LRGUK: variants seen among roughly 807,000 people sequenced by gnomAD.
The protein encoded by LRGUK is leucine-rich repeat and guanylate kinase domain-containing protein.
A neutral mutation model predicts 76.0 loss-of-function variants in LRGUK; 65 were observed. The ratio of observed to expected loss-of-function variants is 0.85; its 90% CI spans 0.70 to 1.05. The LOEUF (loss-of-function observed/expected upper bound fraction) is 1.05. Among genes scored for constraint, LRGUK ranks in the 50% least tolerant of loss-of-function variants. LRGUK has a pLI of 0.00. For synonymous variants in LRGUK, 268 were observed against 265.6 expected, an observed-to-expected ratio of 1.01 and a Z score of -0.09; for missense variants, 758 against 732.8, an observed-to-expected ratio of 1.03 and a Z score of -0.40.
intron 3 of LRGUK, chr7:134,141,649 C>T (rs1300033109): frequency 6.6e-6 from 1 of 152,210 alleles, no homozygotes; most frequent in African/African-American, 2.4e-5. Flanking sequence ...CAAGAAGGAT[C>T]TCCATTTACC....
chr7:134,192,371 T>A (rs1160546362), intron 12 of LRGUK, among the ~76,000 whole-genome samples: 1 of 152,210 alleles, frequency 6.6e-6, no homozygotes, highest in East Asian at 1.9e-4. Flanking sequence ...GATCCCTAAC[T>A]TCTTTGAGGA....
At chr7:134,155,646 T>C (rs1447261728) in intron 5 of LRGUK, among the ~76,000 whole-genome samples, 2 of 152,236 alleles carry the variant, frequency 1.3e-5, no homozygotes, top group Non-Finnish European at 2.9e-5. Context: ...CTTGGCCTCA[T>C]GTAATATAAT....
chr7:134,174,574 A>G (rs1480558440), exon 8 of LRGUK: 13 of 1,606,504 alleles, frequency 8.1e-6, no homozygotes, highest in Non-Finnish European at 4.3e-6. Flanking sequence ...GCTGAGAGAA[A>G]TAGAATACAT....
chr7:134,156,724 T>C (rs1449853502), intron 5 of LRGUK, among the ~76,000 whole-genome samples: 1 of 152,174 alleles, frequency 6.6e-6, no homozygotes, highest in Non-Finnish European at 1.5e-5. Flanking sequence ...AAACATGATA[T>C]TCAATCAATA....
chr7:134,230,745 G>A (rs959815084), intron 16 of LRGUK, among the ~76,000 whole-genome samples: 2 of 152,126 alleles, frequency 1.3e-5, no homozygotes, highest in Admixed American at 6.5e-5. Flanking sequence ...CGCTATACAT[G>A]CAATCTGATT....
At chr7:134,231,518 CCCTTCCTT>C (rs542271114) in intron 16 of LRGUK, among the ~76,000 whole-genome samples, 1 of 146,138 alleles carries the variant, frequency 6.8e-6, no homozygotes, top group African/African-American at 2.5e-5. Flanking sequence ...CTTCCTTCCT[CCCTTCCTT>C]CCTTCCTCCC....
intron 7 of LRGUK, among the ~76,000 whole-genome samples, chr7:134,166,495 T>C (rs1426829279): frequency 1.3e-5 from 2 of 152,212 alleles, no homozygotes; most frequent in Non-Finnish European, 1.5e-5. Context: ...GCTGTCTTAC[T>C]TCTCTAAGTC....
At chr7:134,130,974 C>G (rs761851609) in intron 1 of LRGUK, among the ~76,000 whole-genome samples, 5 of 152,174 alleles carry the variant, frequency 3.3e-5, no homozygotes, top group Admixed American at 2.0e-4. Context: ...TATTTTGATA[C>G]AGTTAATAAT....
Position 134,232,479 on chromosome 7 carries a change from C to T in LRGUK, c.1983+10561C>T, listed in dbSNP as rs1360956048. Among the ~76,000 whole-genome samples the T allele has an allele frequency of 5.3e-5, 8 of 152,034 alleles. No homozygotes were observed. In the East Asian group the frequency reaches 1.5e-3, roughly 29 times the overall value. ...ATCTTTAGTAAAGATGGGGTTTCAC[C>T]ATGTTGGCCAGGCTGGCCTCGAACT... On this transcript the variant is annotated intron_variant, in intron 16 of 19. Coordinates refer to the LRGUK transcript ENST00000285928.
At chr7:134,133,230 GCT>G (rs1231490823) in intron 1 of LRGUK, among the ~76,000 whole-genome samples, 4 of 152,138 alleles carry the variant, frequency 2.6e-5, no homozygotes, top group African/African-American at 9.7e-5. Context: ...AATGGGCCAT[GCT>G]TGCTTTTGCT....
At chr7:134,219,911 C>T (rs1283227524) in intron 15 of LRGUK, among the ~76,000 whole-genome samples, 1 of 152,124 alleles carries the variant, frequency 6.6e-6, no homozygotes, top group African/African-American at 2.4e-5. Flanking sequence ...CTCTGACCAC[C>T]ATGCCATCTC....
At chr7:134,215,752 A>C (rs1205828838) in intron 15 of LRGUK, among the ~76,000 whole-genome samples, 1 of 152,188 alleles carries the variant, frequency 6.6e-6, no homozygotes. Context: ...TATGTAGCAC[A>C]GTACGTCTGT....
chr7:134,135,878 G>C (rs189613611), intron 1 of LRGUK, among the ~76,000 whole-genome samples: 22 of 152,086 alleles, frequency 1.4e-4, no homozygotes, highest in African/African-American at 3.1e-4. Flanking sequence ...GGATGGTCTC[G>C]ATCTCCTGAC....
chr7:134,202,081 C>T (rs142134694), intron 15 of LRGUK, among the ~76,000 whole-genome samples: 124 of 152,182 alleles, frequency 8.1e-4, no homozygotes, highest in African/African-American at 2.8e-3. Flanking sequence ...CTTCGCTGTT[C>T]GGAGCTTCAG....
intron 12 of LRGUK, among the ~76,000 whole-genome samples, chr7:134,195,505 G>T (rs1800440290): frequency 6.6e-6 from 1 of 152,150 alleles, no homozygotes; most frequent in South Asian, 2.1e-4. Flanking sequence ...TGCAATGGAG[G>T]TTTCAGTGGT....
intron 7 of LRGUK, among the ~76,000 whole-genome samples, chr7:134,167,063 T>C (rs1381771571): frequency 6.6e-6 from 1 of 152,190 alleles, no homozygotes; most frequent in Non-Finnish European, 1.5e-5. Context: ...AGGCATGCCA[T>C]TGATGCTCGC....
chr7:134,211,865 G>C (rs1563185863), downstream of LRGUK, among the ~76,000 whole-genome samples: 2 of 152,178 alleles, frequency 1.3e-5, no homozygotes, highest in South Asian at 2.1e-4. Flanking sequence ...CAAACTATGG[G>C]AAGGGCAGGG....
In LRGUK at chr7:134,135,027, G is replaced by A. The variant is rs543027137; in HGVS notation, c.298-1996G>A. On this transcript the variant is annotated intron_variant, in intron 1 of 15. Transcript: ENST00000645682. ...GGTCTATAAAATAAACAGACAACAG[G>A]TGGATTAACAGGAGAAAAGGTATTA... Among the ~76,000 whole-genome samples the A allele has an allele frequency of 1.2e-4, 19 of 152,234 alleles. No individual in the cohort carries two copies. In the South Asian group the frequency reaches 3.5e-3, roughly 28 times the overall value.
intron 1 of LRGUK, among the ~76,000 whole-genome samples, chr7:134,133,051 G>A (rs1284434361): frequency 6.6e-6 from 1 of 152,188 alleles, no homozygotes; most frequent in Non-Finnish European, 1.5e-5. Flanking sequence ...GCTTTACAGG[G>A]ACTCCAGGAT....
Sources: allele counts gnomAD v4.1 joint callset (sites outside exome capture counted in the v4.1 genomes callset), GRCh38; gene constraint gnomAD v4.1.1; transcripts MANE v1.5; gene names NCBI Gene and HGNC (gene_info 2026-07-23, HGNC 2026-07-21).